The following TMPRSS11A variants were observed in gnomAD, a reference collection of about 807,000 sequenced individuals.
TMPRSS11A encodes transmembrane serine protease 11A.
A neutral mutation model predicts 58.9 loss-of-function variants in TMPRSS11A; 53 were observed. That is an observed-to-expected ratio of 0.90 (90% CI 0.72 to 1.13). TMPRSS11A has a LOEUF of 1.13. TMPRSS11A is among the 50% of genes most tolerant of loss of function. The pLI is 0.00. For missense variants in TMPRSS11A, 493 were observed against 499.3 expected, an observed-to-expected ratio of 0.99 and a Z score of 0.12; for synonymous variants, 167 against 169.8, an observed-to-expected ratio of 0.98 and a Z score of 0.13.
intron 5 of TMPRSS11A, among the ~76,000 whole-genome samples, chr4:67,924,659 G>A (rs1720419952): frequency 6.6e-6 from 1 of 152,210 alleles, no homozygotes. Context: ...GAAGGCAAAA[G>A]GCATGTCTTA....
At chr4:67,932,830 T>G (rs926143232) in intron 3 of TMPRSS11A, among the ~76,000 whole-genome samples, 1 of 152,076 alleles carries the variant, frequency 6.6e-6, no homozygotes, top group Admixed American at 6.6e-5. Context: ...AGGTCAAATT[T>G]GTTACTCAGT....
chr4:67,911,120 A>G lies in TMPRSS11A; in HGVS notation c.*222T>C. On this transcript the variant is annotated 3_prime_UTR_variant, in exon 10 of 10. Coordinates refer to ENST00000508048, the MANE Select transcript of TMPRSS11A (RefSeq NM_001114387.2). ...TTAAAGAGCTAAGTATCTCTACCGTATTTTTCAAGCCAGATCCATTACTTT... is the reference window on the plus strand; with the variant it reads ...TTAAAGAGCTAAGTATCTCTACCGTGTTTTTCAAGCCAGATCCATTACTTT... 2.4e-6 allele frequency: 1 copy of G among 408,490 alleles called. No homozygotes were observed. The highest frequency in any genetic ancestry group is 4.4e-6 in the Non-Finnish European group (1 of 227,720). 25.3% of individuals were successfully genotyped at this position (408,490 alleles called of 1,614,324 possible). A position where few individuals can be genotyped will look rare whatever the true frequency, so the allele number is the denominator to read the frequency against.
At chr4:67,961,483 C>CTTTCTTTT (rs1560577100) in intron 1 of TMPRSS11A, among the ~76,000 whole-genome samples, 1 of 7,162 alleles carries the variant, frequency 1.4e-4, no homozygotes, top group African/African-American at 2.5e-4. Flanking sequence ...TTTTCTTTTC[C>CTTTCTTTT]TTTTTTTTTT....
At chr4:67,948,397 A>G (rs892119487) in intron 1 of TMPRSS11A, among the ~76,000 whole-genome samples, 1 of 152,096 alleles carries the variant, frequency 6.6e-6, no homozygotes, top group African/African-American at 2.4e-5. Flanking sequence ...TGACCTGGTG[A>G]TCCACCCACC....
intron 3 of TMPRSS11A, 74 bp from the exon 4 acceptor site, chr4:67,932,134 T>G (rs1720642031): frequency 1.2e-6 from 1 of 852,824 alleles, no homozygotes; most frequent in East Asian, 2.7e-5. Flanking sequence ...GATTAAATGT[T>G]AAAGCAATCA....
rs1720368992 is a variant in TMPRSS11A, at chr4:67,922,934, A to G, written c.521-8T>C. 6.2e-7 allele frequency: 1 copy of G among 1,613,530 alleles called. No individual in the cohort carries two copies. Among genetic ancestry groups the G allele is most frequent in the South Asian group, 1.1e-5 (1 of 91,036 alleles). On this transcript the variant is annotated splice_polypyrimidine_tract_variant and splice_region_variant and intron_variant, in intron 6 of 9. Coordinates refer to ENST00000508048, the MANE Select transcript of TMPRSS11A (RefSeq NM_001114387.2). The stretch of plus-strand genomic sequence containing the variant: ...CAACTCGTTTACCACAACCTGAAAA[A>G]AGATGAGATCATTAAGTTATAAGAA...
chr4:67,930,432 T>C (rs1433689715), intron 4 of TMPRSS11A, among the ~76,000 whole-genome samples: 2 of 152,188 alleles, frequency 1.3e-5, no homozygotes, highest in Non-Finnish European at 2.9e-5. Context: ...ATTAAAAAGA[T>C]AGTAAGTTTA....
intron 1 of TMPRSS11A, among the ~76,000 whole-genome samples, chr4:67,947,684 A>G (rs1387608013): frequency 6.6e-6 from 1 of 152,174 alleles, no homozygotes; most frequent in East Asian, 1.9e-4. Context: ...GGAAAAAATA[A>G]CTCTTTGCTG....
rs1719932211 is a variant in TMPRSS11A at position 67,910,377 on chromosome 4, G to A, written c.*965C>T. On this transcript the variant is annotated 3_prime_UTR_variant, in exon 10 of 10. Coordinates refer to ENST00000508048, the MANE Select transcript of TMPRSS11A (RefSeq NM_001114387.2). Reference sequence around the variant, plus strand: ...ATAAGCTATTTGGCTGTAGCAATGCGAGGGCATAAAATTTTTCTTGCTACG... The same window carrying A: ...ATAAGCTATTTGGCTGTAGCAATGCAAGGGCATAAAATTTTTCTTGCTACG... The A allele has an allele frequency of 6.6e-6, 1 of 152,012 alleles. No homozygotes were observed. Among genetic ancestry groups the A allele is most frequent in the Non-Finnish European group, 1.5e-5 (1 of 67,930 alleles). 9.4% of individuals were successfully genotyped at this position (152,012 alleles called of 1,614,324 possible). A position where few individuals can be genotyped will look rare whatever the true frequency, so the allele number is the denominator to read the frequency against.
At position 67,922,787 on chromosome 4, in the gene TMPRSS11A, T is replaced by C. The variant is rs753700939; in HGVS notation, c.660A>G (p.Thr220=). Reference sequence around the variant, plus strand: ...AGCAGTGTGCTGCAGTGACAAGCCATGTGTTACTAATCAAGGTGGCCCCAC... The same window carrying C: ...AGCAGTGTGCTGCAGTGACAAGCCACGTGTTACTAATCAAGGTGGCCCCAC... ...HQCGATLISN[T]WLVTAAHCFQ... The change falls in exon 7 of 10, where the codon ACA becomes ACG. Residue 220 remains threonine (T), a synonymous_variant. Transcript: ENST00000508048. The C allele has an allele frequency of 3.7e-6, 6 of 1,614,152 alleles. No homozygotes were observed. The Admixed American group carries it at 6.7e-5, about 18-fold the overall frequency.
At chr4:67,944,089 A>G (rs1200548964) in intron 3 of TMPRSS11A, among the ~76,000 whole-genome samples, 4 of 152,202 alleles carry the variant, frequency 2.6e-5, no homozygotes, top group Admixed American at 6.5e-5. Flanking sequence ...ATATACTTAC[A>G]AGATGAACGT....
At chr4:67,921,551 C>T (rs571244888) in intron 7 of TMPRSS11A, among the ~76,000 whole-genome samples, 5 of 152,250 alleles carry the variant, frequency 3.3e-5, no homozygotes, top group Non-Finnish European at 7.4e-5. Context: ...TCAAGTGGTC[C>T]TCTTGCCTCG....
At chr4:67,946,787 A>G (rs1721028293) in intron 1 of TMPRSS11A, among the ~76,000 whole-genome samples, 1 of 151,744 alleles carries the variant, frequency 6.6e-6, no homozygotes, top group Non-Finnish European at 1.5e-5. Context: ...TTTTAGAGGC[A>G]TTTGGTGGCC....
At chr4:67,922,224 A>G (rs911884899) in intron 7 of TMPRSS11A, among the ~76,000 whole-genome samples, 1 of 152,142 alleles carries the variant, frequency 6.6e-6, no homozygotes. Context: ...GCAATCTCTC[A>G]TTTTGGTTGT....
At chr4:67,933,104 A>AACACAC (rs34906854) in intron 3 of TMPRSS11A, among the ~76,000 whole-genome samples, 1 of 150,160 alleles carries the variant, frequency 6.7e-6, no homozygotes, top group South Asian at 2.1e-4. Context: ...GCATGACTGA[A>AACACAC]ACACACACAC....
At chr4:67,931,854 A>T in intron 4 of TMPRSS11A, 139 bp downstream of exon 4, 1 of 589,864 alleles carries the variant, frequency 1.7e-6, no homozygotes, top group Non-Finnish European at 3.1e-6. Context: ...ATACTTCAAG[A>T]CTGCTTTAAA....
intron 7 of TMPRSS11A, 54 bp from the exon 8 acceptor site, chr4:67,919,286 G>A: frequency 1.3e-6 from 2 of 1,520,494 alleles, no homozygotes; most frequent in Non-Finnish European, 1.8e-6. Context: ...AAGTATATGA[G>A]CTAGATTAAT....
rs1394644976 is a variant in TMPRSS11A, at chr4:67,910,694, T to C, written c.*648A>G. 2 of 151,586 alleles carry C rather than the reference T, an allele frequency of 1.3e-5. No individual in the cohort carries two copies. Among genetic ancestry groups the C allele is most frequent in the African/African-American group, 2.4e-5 (1 of 41,188 alleles). 9.4% of individuals were successfully genotyped at this position (151,586 alleles called of 1,614,324 possible). ...ATTATATCTGTAGGATAAGAATATC[T>C]ATGTGACTGTATGTGTGTGTGTGTG... is the stretch of plus-strand genomic sequence containing the variant. On this transcript the variant is annotated 3_prime_UTR_variant, in exon 10 of 10. Coordinates refer to ENST00000508048, the MANE Select transcript of TMPRSS11A (RefSeq NM_001114387.2).
At chr4:67,922,456 C>T (rs1720355728) in intron 7 of TMPRSS11A, among the ~76,000 whole-genome samples, 1 of 152,166 alleles carries the variant, frequency 6.6e-6, no homozygotes, top group South Asian at 2.1e-4. Flanking sequence ...ATTAATGGTA[C>T]ATGTTATTAG....
Sources: allele counts gnomAD v4.1 joint callset (sites outside exome capture counted in the v4.1 genomes callset), GRCh38; gene constraint gnomAD v4.1.1; transcripts MANE v1.5; gene names NCBI Gene and HGNC (gene_info 2026-07-23, HGNC 2026-07-21).